PPP4R3B: variants seen among roughly 807,000 people sequenced by gnomAD.
PPP4R3B encodes protein phosphatase 4 regulatory subunit 3B.
PPP4R3B carries 52 observed loss-of-function variants against 95.4 expected under a neutral mutation model. The ratio of observed to expected loss-of-function variants is 0.54; its 90% confidence interval spans 0.44 to 0.69. The LOEUF is 0.69. Among genes scored for constraint, PPP4R3B ranks in the 30% least tolerant of loss-of-function variants. The probability of loss-of-function intolerance (pLI) is 0.00; values close to 1 mark genes in which losing one functional copy is unlikely to be tolerated. For missense variants in PPP4R3B, 1,003 were observed against 1,005.9 expected, an observed-to-expected ratio of 1.00 and a Z score of 0.04; for synonymous variants, 407 against 343.9, an observed-to-expected ratio of 1.18 and a Z score of -2.03.
intron 11 of PPP4R3B, among the ~76,000 whole-genome samples, chr2:55,576,043 CTCA>C (rs1688619998): frequency 6.6e-6 from 1 of 152,116 alleles, no homozygotes; most frequent in Admixed American, 6.6e-5. Flanking sequence ...GAACTAGTCC[CTCA>C]TCATTAAAAC....
At chr2:55,571,101 G>C (rs1687940933) in intron 12 of PPP4R3B, among the ~76,000 whole-genome samples, 1 of 152,154 alleles carries the variant, frequency 6.6e-6, no homozygotes, top group Non-Finnish European at 1.5e-5. Flanking sequence ...ATGAGGTCAG[G>C]AGTTTGAGAC....
intron 2 of PPP4R3B, among the ~76,000 whole-genome samples, chr2:55,607,865 A>T (rs1327443147): frequency 6.6e-6 from 1 of 152,218 alleles, no homozygotes; most frequent in Non-Finnish European, 1.5e-5. Flanking sequence ...TGAAATCCAA[A>T]ACCCTTTATC....
chr2:55,617,165 G>A lies in PPP4R3B; in HGVS notation c.121C>T (p.Leu41=), dbSNP rs761864039. ...TTACCGTCGGACTCTGCCCGAACCA[G>A]CAGCGACATCCCCTTGAGCTCCTCC... ...YVEELKGMSL[L]VRAESDGSLL... Residue 41 remains leucine (L), a synonymous_variant, in exon 1 of 17, where the codon CTG becomes TTG. Transcript: ENST00000616407. 13 of 1,613,286 alleles carry A rather than the reference G, an allele frequency of 8.1e-6. No individual in the cohort carries two copies. Among genetic ancestry groups the A allele is most frequent in the African/African-American group, 1.3e-5 (1 of 74,980 alleles).
At chr2:55,553,337 C>T (rs1403925794) in intron 16 of PPP4R3B, among the ~76,000 whole-genome samples, 4 of 152,154 alleles carry the variant, frequency 2.6e-5, no homozygotes, top group Non-Finnish European at 5.9e-5. Flanking sequence ...CTAGCTTTGT[C>T]TGTAAAAATT....
At chr2:55,603,237 G>A (rs1692886681) in intron 3 of PPP4R3B, among the ~76,000 whole-genome samples, 1 of 152,214 alleles carries the variant, frequency 6.6e-6, no homozygotes, top group South Asian at 2.1e-4. Flanking sequence ...ACAGGCGTGA[G>A]TAACCGCGTC....
chr2:55,615,847 ACT>A (rs1192441122), intron 1 of PPP4R3B, among the ~76,000 whole-genome samples: 4 of 117,236 alleles, frequency 3.4e-5, no homozygotes, highest in Admixed American at 1.2e-4. Flanking sequence ...ACAGAGCAAG[ACT>A]CTGTCTCCAA....
At chr2:55,575,775 T>C (rs1387193989) in intron 11 of PPP4R3B, among the ~76,000 whole-genome samples, 1 of 152,110 alleles carries the variant, frequency 6.6e-6, no homozygotes, top group African/African-American at 2.4e-5. Context: ...AATTATAAAA[T>C]CACAGGCTTA....
intron 2 of PPP4R3B, among the ~76,000 whole-genome samples, chr2:55,613,065 C>G (rs1051995761): frequency 1.1e-4 from 16 of 151,980 alleles, no homozygotes; most frequent in Non-Finnish European, 1.9e-4. Context: ...GAGCTGTGAT[C>G]AAACCACTGT....
At chr2:55,572,891 T>C (rs1410100344) in intron 12 of PPP4R3B, among the ~76,000 whole-genome samples, 1 of 152,146 alleles carries the variant, frequency 6.6e-6, no homozygotes, top group Non-Finnish European at 1.5e-5. Flanking sequence ...AGGAATAAAA[T>C]TAGTCTATAC....
intron 4 of PPP4R3B, chr2:55,591,601 T>C: frequency 1.0e-6 from 1 of 983,930 alleles, no homozygotes; most frequent in Non-Finnish European, 1.2e-6. Context: ...TTTCAAAATA[T>C]TTTCATAAGA....
intron 10 of PPP4R3B, among the ~76,000 whole-genome samples, chr2:55,577,924 T>C (rs2104172305): frequency 6.6e-6 from 1 of 152,252 alleles, no homozygotes; most frequent in East Asian, 1.9e-4. Context: ...AGAATGTAAC[T>C]GGAGCATTAT....
Position 55,564,460 on chromosome 2 carries a change from C to G in PPP4R3B, c.2113G>C (p.Asp705His), listed in dbSNP as rs1374224580. The G allele has an allele frequency of 6.2e-7, 1 of 1,612,560 alleles. No homozygotes were observed. Among genetic ancestry groups the G allele is most frequent in the South Asian group, 1.1e-5 (1 of 90,762 alleles). Residue 705 changes from aspartate to histidine, a missense_variant, in exon 15 of 17, where the codon GAT becomes CAT. By Grantham distance (81) the Asp-to-His change is moderately conservative. This residue lies in a region of PPP4R3B where 229 missense variants were observed against 194.7 expected (regional missense o/e 1.18). Coordinates refer to ENST00000616407, the MANE Select transcript of PPP4R3B (RefSeq NM_001122964.3). ...TCATCCTCTTCCAAGGCTTTTGCAT[C>G]TCTGCGAAATCTGTTACTACGCAAT... ...SILRSNRFRRDAKALEEDEEM... is the reference protein window; with the variant it reads ...SILRSNRFRRHAKALEEDEEM...
intron 2 of PPP4R3B, 152 bp downstream of exon 2, chr2:55,615,299 T>C (rs1012998218): frequency 1.4e-5 from 9 of 639,814 alleles, no homozygotes; most frequent in African/African-American, 9.4e-5. Flanking sequence ...TTTTTTTCAG[T>C]CTGAAACTTT....
In PPP4R3B at chr2:55,556,664, ATAT is replaced by A. The variant is rs1305633216; in HGVS notation, c.2454+2108_2454+2110del. Among the ~76,000 whole-genome samples the A allele has an allele frequency of 9.2e-5, 14 of 152,218 alleles. No individual in the cohort carries two copies. In the South Asian group the frequency reaches 1.0e-3, roughly 11 times the overall value. On this transcript the variant is annotated intron_variant, in intron 16 of 16. Transcript: ENST00000616407. The stretch of plus-strand genomic sequence containing the variant: ...AAAAAAAGAAAAAAAAGAAAAGCTA[ATAT>A]ATACTGAGAAGGTGTCAAGCAGTGT...
Position 55,558,795 on chromosome 2 carries a change from T to C in PPP4R3B, c.2434A>G (p.Thr812Ala), listed in dbSNP as rs759860516. 1 of 1,611,340 alleles carries C rather than the reference T, an allele frequency of 6.2e-7. No homozygotes were observed. Among genetic ancestry groups the C allele is most frequent in the Non-Finnish European group, 8.5e-7 (1 of 1,178,288 alleles). Reference protein sequence around the residue: ...GSSSKTTNLPTSVTATKGSLV... With the variant: ...GSSSKTTNLPASVTATKGSLV... ...CCTACCTTGGTGGCTGTTACTGACGTAGGCAAGTTTGTGGTTTTGGAAGAG... is the reference window on the plus strand; with the variant it reads ...CCTACCTTGGTGGCTGTTACTGACGCAGGCAAGTTTGTGGTTTTGGAAGAG... The change falls in exon 16 of 17, where the codon ACG becomes GCG. Residue 812 changes from threonine (T) to alanine (A), a missense_variant. Thr to Ala is a moderately conservative substitution (Grantham distance 58, BLOSUM62 0). Transcript: ENST00000616407.
intron 12 of PPP4R3B, among the ~76,000 whole-genome samples, chr2:55,572,215 A>G (rs1688100642): frequency 8.4e-6 from 1 of 118,854 alleles, no homozygotes; most frequent in Non-Finnish European, 2.0e-5. Context: ...GCATAATCTT[A>G]GGACATAAGA....
At chr2:55,605,806 T>C (rs1693292937) in intron 2 of PPP4R3B, among the ~76,000 whole-genome samples, 1 of 150,002 alleles carries the variant, frequency 6.7e-6, no homozygotes, top group Non-Finnish European at 1.5e-5. Context: ...CTCAGTAGGC[T>C]GAGGCAAAAG....
At chr2:55,564,779 C>T in intron 14 of PPP4R3B, 123 bp downstream of exon 14, 1 of 1,157,470 alleles carries the variant, frequency 8.6e-7, no homozygotes, top group East Asian at 2.5e-5. Context: ...CCCTCCTATT[C>T]AACTCTATGC....
At position 55,586,765 on chromosome 2, in the gene PPP4R3B, G is replaced by A. The variant is rs1215994596; in HGVS notation, c.1000-31C>T. On this transcript the variant is annotated intron_variant, in intron 5 of 16. Coordinates refer to ENST00000616407, the MANE Select transcript of PPP4R3B (RefSeq NM_001122964.3). ...ATGTCAGAAATTTTAGTGAGACATT[G>A]ATAAACATAAACTTGGGGCACACTA... 2.2e-6 allele frequency: 3 copies of A among 1,347,586 alleles called. No individual in the cohort carries two copies. The South Asian group carries it at 3.7e-5, about 17-fold the overall frequency. The allele number at this position is 1,347,586 out of a possible 1,614,324, so 83.5% of individuals were successfully genotyped here. A position where few individuals can be genotyped will look rare whatever the true frequency, so the allele number is the denominator to read the frequency against.
Sources: gnomAD v4.1 joint callset for allele counts (sites outside exome capture counted in the v4.1 genomes callset) on GRCh38, gnomAD v4.1.1 for gene constraint, gnomAD v4.1.1 regional missense constraint, MANE v1.5 for transcripts, NCBI Gene and HGNC (gene_info 2026-07-23, HGNC 2026-07-21) for gene names.